The following ABCA13 variants were observed in gnomAD, a reference collection of about 807,000 sequenced individuals.
ABCA13 encodes ATP binding cassette subfamily A member 13.
ABCA13 carries 476 observed loss-of-function variants against 478.7 expected under a neutral mutation model. The observed-to-expected ratio is 0.99, with a 90% CI of 0.92 to 1.07. The LOEUF is 1.07. ABCA13 is among the 50% of genes least tolerant of loss of function. The probability of loss-of-function intolerance (pLI) is 0.00; values close to 1 mark genes in which losing one functional copy is unlikely to be tolerated. For missense variants in ABCA13, 6,060 were observed against 5,910.6 expected, an observed-to-expected ratio of 1.03 and a Z score of -0.83; for synonymous variants, 2,252 against 2,158.9, an observed-to-expected ratio of 1.04 and a Z score of -1.20.
intron 58 of ABCA13, among the ~76,000 whole-genome samples, chr7:48,607,509 T>C (rs1191011542): frequency 6.6e-6 from 1 of 152,196 alleles, no homozygotes; most frequent in Non-Finnish European, 1.5e-5. Flanking sequence ...CAGCTCTCTC[T>C]TTAATTCTTT....
chr7:48,506,241 G>C (rs1189879109), intron 48 of ABCA13, 95 bp from the exon 49 acceptor site: 2 of 1,368,748 alleles, frequency 1.5e-6, no homozygotes, highest in Non-Finnish European at 2.1e-6. Context: ...AGGATACATT[G>C]TGATGGCACA....
At chr7:48,318,479 G>A (rs536949458) in intron 27 of ABCA13, among the ~76,000 whole-genome samples, 1 of 151,426 alleles carries the variant, frequency 6.6e-6, no homozygotes, top group Non-Finnish European at 1.5e-5. Context: ...GAGATTACAG[G>A]TGTGTGCCCC....
intron 15 of ABCA13, among the ~76,000 whole-genome samples, chr7:48,263,488 C>G (rs1423557088): frequency 1.3e-5 from 2 of 151,750 alleles, no homozygotes; most frequent in African/African-American, 4.8e-5. Context: ...TTGCATTTGA[C>G]ACAGATTCTT....
chr7:48,287,878 C>A, intron 19 of ABCA13, 82 bp from the exon 20 acceptor site: 2 of 1,045,488 alleles, frequency 1.9e-6, no homozygotes, highest in South Asian at 1.4e-5. Flanking sequence ...CACTTTGAAT[C>A]TTTAAAAAGT....
chr7:48,208,996 G>A (rs1785278449), intron 3 of ABCA13, among the ~76,000 whole-genome samples: 1 of 151,954 alleles, frequency 6.6e-6, no homozygotes, highest in South Asian at 2.1e-4. Context: ...AGTTTTTTGA[G>A]AGTTTGTATC....
intron 3 of ABCA13, among the ~76,000 whole-genome samples, chr7:48,217,047 T>C (rs1380667123): frequency 1.3e-5 from 2 of 152,214 alleles, no homozygotes; most frequent in Non-Finnish European, 2.9e-5. Context: ...CTCAAAGAAC[T>C]AAGAATAGAA....
intron 59 of ABCA13, among the ~76,000 whole-genome samples, chr7:48,623,418 C>T (rs547028783): frequency 1.2e-4 from 18 of 152,262 alleles, no homozygotes; most frequent in Non-Finnish European, 2.5e-4. Context: ...ATCGATTTCC[C>T]TTGGGATGCC....
intron 43 of ABCA13, among the ~76,000 whole-genome samples, chr7:48,457,452 T>C (rs1825802972): frequency 6.6e-6 from 1 of 152,240 alleles, no homozygotes; most frequent in Non-Finnish European, 1.5e-5. Flanking sequence ...CCATTCACTT[T>C]CTCTACTGCA....
At chr7:48,461,942 A>G (rs1435860935) in intron 43 of ABCA13, among the ~76,000 whole-genome samples, 1 of 152,122 alleles carries the variant, frequency 6.6e-6, no homozygotes, top group Non-Finnish European at 1.5e-5. Context: ...TCAAGCAGAG[A>G]AATGATCCCT....
chr7:48,422,354 C>A (rs940391264), intron 41 of ABCA13, among the ~76,000 whole-genome samples: 7 of 152,252 alleles, frequency 4.6e-5, no homozygotes, highest in African/African-American at 1.2e-4. Context: ...GCTATCAGCC[C>A]TTTGACTGGA....
At chr7:48,533,178 G>A (rs1833353215) in intron 55 of ABCA13, among the ~76,000 whole-genome samples, 1 of 151,944 alleles carries the variant, frequency 6.6e-6, no homozygotes, top group Admixed American at 6.6e-5. Flanking sequence ...GTATCCCAGA[G>A]GTTTTGACAG....
At chr7:48,556,699 A>G (rs1160714460) in intron 55 of ABCA13, among the ~76,000 whole-genome samples, 1 of 151,746 alleles carries the variant, frequency 6.6e-6, no homozygotes, top group African/African-American at 2.4e-5. Context: ...GTGTATTTTT[A>G]TAGGAAAAAT....
chr7:48,421,688 G>A (rs960484844), intron 41 of ABCA13, among the ~76,000 whole-genome samples: 2 of 152,204 alleles, frequency 1.3e-5, no homozygotes, highest in Non-Finnish European at 2.9e-5. Context: ...CGCTCATGGT[G>A]ATTGGGGTGT....
At chr7:48,623,228 A>C (rs941261780) in intron 59 of ABCA13, among the ~76,000 whole-genome samples, 7 of 152,236 alleles carry the variant, frequency 4.6e-5, no homozygotes, top group African/African-American at 1.7e-4. Context: ...AGACCTCATC[A>C]TCCTACTCAT....
intron 2 of ABCA13, among the ~76,000 whole-genome samples, chr7:48,196,590 A>T (rs1481280859): frequency 1.3e-5 from 2 of 152,140 alleles, no homozygotes; most frequent in Non-Finnish European, 2.9e-5. Context: ...GGCAATGACT[A>T]AAAAATGCCC....
intron 1 of ABCA13, among the ~76,000 whole-genome samples, chr7:48,189,278 A>G (rs1350537222): frequency 6.6e-6 from 1 of 152,228 alleles, no homozygotes; most frequent in Non-Finnish European, 1.5e-5. Flanking sequence ...ATAATGACAT[A>G]TAAGAAGAAA....
chr7:48,489,453 G>C, intron 48 of ABCA13, 109 bp downstream of exon 48: 2 of 959,738 alleles, frequency 2.1e-6, no homozygotes, highest in Non-Finnish European at 3.1e-6. Flanking sequence ...GCAATGAGAA[G>C]GTTTCTACTT....
intron 48 of ABCA13, among the ~76,000 whole-genome samples, chr7:48,497,940 G>A (rs1464876539): frequency 2.6e-5 from 4 of 152,200 alleles, no homozygotes; most frequent in Admixed American, 2.6e-4. Context: ...CCAGGGTACT[G>A]AGTAGCCGTA....
intron 20 of ABCA13, among the ~76,000 whole-genome samples, chr7:48,290,885 C>A (rs140792666): frequency 3.9e-5 from 5 of 129,222 alleles, no homozygotes; most frequent in Non-Finnish European, 6.2e-5. Context: ...GAATACCGAG[C>A]CTGAAATGCC....
Sources: allele counts gnomAD v4.1 joint callset (sites outside exome capture counted in the v4.1 genomes callset), GRCh38; gene constraint gnomAD v4.1.1; transcripts MANE v1.5; gene names NCBI Gene and HGNC (gene_info 2026-07-23, HGNC 2026-07-21).